NRG2: variants seen among roughly 807,000 people sequenced by gnomAD.
NRG2 encodes pro-neuregulin-2, membrane-bound isoform.
NRG2 carries 27 observed loss-of-function variants against 73.9 expected under a neutral mutation model. That is an observed-to-expected ratio of 0.37 (90% CI 0.27 to 0.50). The LOEUF is 0.50. NRG2 is among the 20% of genes least tolerant of loss of function. The pLI is 0.96. For missense variants in NRG2, 1,126 were observed against 1,210.1 expected (o/e 0.93, Z 1.03); for synonymous variants, 532 against 541.0 (o/e 0.98, Z 0.23).
chr5:139,969,304 C>A (rs1045134722), intron 1 of NRG2, among the ~76,000 whole-genome samples: 1 of 152,220 alleles, frequency 6.6e-6, no homozygotes, highest in Non-Finnish European at 1.5e-5. Flanking sequence ...TAATAGCTAT[C>A]TTGAAATATC....
At chr5:139,848,812 C>CAA in intron 9 of NRG2, 115 bp from the exon 10 acceptor site, 1 of 929,072 alleles carries the variant, frequency 1.1e-6, no homozygotes, top group Non-Finnish European at 1.5e-6. Context: ...TAACCTTGCC[C>CAA]GAGACCCCGC....
intron 1 of NRG2, among the ~76,000 whole-genome samples, chr5:139,949,124 T>C (rs555555587): frequency 6.6e-6 from 1 of 152,084 alleles, no homozygotes; most frequent in South Asian, 2.1e-4. Context: ...ATAAAAATAA[T>C]CTCCTGTTTC....
chr5:139,920,671 C>G (rs1751591011), intron 1 of NRG2, among the ~76,000 whole-genome samples: 1 of 152,140 alleles, frequency 6.6e-6, no homozygotes, highest in Admixed American at 6.5e-5. Context: ...CCATGCTTCT[C>G]TGAGACCTCA....
intron 1 of NRG2, among the ~76,000 whole-genome samples, chr5:140,021,518 G>T (rs1760223330): frequency 6.6e-6 from 1 of 152,234 alleles, no homozygotes; most frequent in African/African-American, 2.4e-5. Context: ...CACTGTCCAT[G>T]ACCTAAGAGA....
intron 1 of NRG2, among the ~76,000 whole-genome samples, chr5:140,001,846 G>A (rs892840659): frequency 1.3e-5 from 2 of 152,102 alleles, no homozygotes; most frequent in Admixed American, 6.6e-5. Context: ...CTTGGTGACA[G>A]AGTAAGACCC....
intron 1 of NRG2, among the ~76,000 whole-genome samples, chr5:139,912,862 G>C (rs1435266765): frequency 1.2e-4 from 19 of 152,268 alleles, no homozygotes; most frequent in Non-Finnish European, 4.4e-5. Flanking sequence ...GTGAACCAAG[G>C]GAAAACCGAA....
intron 9 of NRG2, 55 bp from the exon 10 acceptor site, chr5:139,848,752 G>T (rs1412945723): frequency 8.8e-6 from 7 of 798,346 alleles, no homozygotes; most frequent in African/African-American, 1.8e-5. Context: ...GCGCGGGGGA[G>T]GGGGGGTTGG....
intron 1 of NRG2, among the ~76,000 whole-genome samples, chr5:139,889,299 A>G (rs886444473): frequency 1.3e-5 from 2 of 152,178 alleles, no homozygotes; most frequent in Non-Finnish European, 2.9e-5. Flanking sequence ...GTATATATAT[A>G]TTTCAACAAT....
chr5:139,946,399 C>A (rs1753802750), intron 1 of NRG2, among the ~76,000 whole-genome samples: 1 of 152,048 alleles, frequency 6.6e-6, no homozygotes, highest in South Asian at 2.1e-4. Flanking sequence ...ACAAATTGTT[C>A]TGAGACAACT....
chr5:139,865,490 G>T lies in NRG2; in HGVS notation c.1189+59C>A. The T allele has an allele frequency of 1.5e-6, 2 of 1,326,206 alleles. No homozygotes were observed. Among genetic ancestry groups the T allele is most frequent in the Non-Finnish European group, 2.2e-6 (2 of 924,378 alleles). The allele number at this position is 1,326,206 out of a possible 1,614,324, so 82.2% of individuals were successfully genotyped here. ...CCTGGCCCTATGCCCTACATTGGGG[G>T]GACTGCACCCAGAAGCTTTCTAAGG... On this transcript the variant is annotated intron_variant, in intron 5 of 9. Transcript: ENST00000361474. This position sits in a 1 kb window ranked among gnomAD's most constrained non-coding sequence, Gnocchi z 5.2.
intron 1 of NRG2, among the ~76,000 whole-genome samples, chr5:139,931,377 A>T (rs1360534683): frequency 6.6e-6 from 1 of 152,230 alleles, no homozygotes; most frequent in Non-Finnish European, 1.5e-5. Context: ...AAGATCTCTG[A>T]GGGTCCCAAT....
intron 1 of NRG2, among the ~76,000 whole-genome samples, chr5:139,900,925 A>C (rs1315787858): frequency 6.6e-6 from 1 of 152,232 alleles, no homozygotes; most frequent in African/African-American, 2.4e-5. Flanking sequence ...GCTTCCAAAA[A>C]GCTGCTGCTT....
rs570083304 is a variant in NRG2, at chr5:139,851,175, T to C, written c.1772+429A>G. Among the ~76,000 whole-genome samples the C allele has an allele frequency of 1.1e-4, 17 of 151,980 alleles. No individual in the cohort carries two copies. The highest frequency in any genetic ancestry group is 2.1e-4 in the Non-Finnish European group (14 of 67,964). On this transcript the variant is annotated intron_variant, in intron 9 of 9. Coordinates refer to ENST00000361474, the MANE Select transcript of NRG2 (RefSeq NM_004883.3). The surrounding 1 kb of genome is among the most constrained non-coding windows in gnomAD (Gnocchi z 4.2). Reference sequence around the variant, plus strand: ...CTAATTTTTGTATTTTTAGTAAAGATGGGGGTTTCACCATGTTGGCCAGAC... The same window carrying C: ...CTAATTTTTGTATTTTTAGTAAAGACGGGGGTTTCACCATGTTGGCCAGAC...
chr5:139,901,554 C>A (rs772485999), intron 1 of NRG2, among the ~76,000 whole-genome samples: 6 of 152,194 alleles, frequency 3.9e-5, no homozygotes, highest in Non-Finnish European at 8.8e-5. Flanking sequence ...GAAGTCAGGG[C>A]AGCATCTTTA....
intron 1 of NRG2, among the ~76,000 whole-genome samples, chr5:140,036,523 C>T (rs1761519034): frequency 6.6e-6 from 1 of 152,188 alleles, no homozygotes; most frequent in Admixed American, 6.5e-5. Context: ...AGTCATTGTT[C>T]AAACTTGTCA....
chr5:139,972,788 A>G (rs574125717), intron 1 of NRG2, among the ~76,000 whole-genome samples: 12 of 152,344 alleles, frequency 7.9e-5, no homozygotes, highest in Admixed American at 7.2e-4. Context: ...TACAGCATTT[A>G]TCAAAATAAA....
At chr5:139,855,370 C>T (rs1581775174) in intron 6 of NRG2, among the ~76,000 whole-genome samples, 1 of 152,226 alleles carries the variant, frequency 6.6e-6, no homozygotes, top group South Asian at 2.1e-4. Context: ...CATCAATTTG[C>T]TCAAGGTTAC....
At chr5:139,872,753 A>G (rs1379526442) in intron 3 of NRG2, among the ~76,000 whole-genome samples, 1 of 152,214 alleles carries the variant, frequency 6.6e-6, no homozygotes, top group Non-Finnish European at 1.5e-5. Flanking sequence ...AGAAATGAAC[A>G]TCACTGAAGC....
chr5:140,039,654 T>G (rs1761768528), intron 1 of NRG2, among the ~76,000 whole-genome samples: 1 of 152,076 alleles, frequency 6.6e-6, no homozygotes, highest in Non-Finnish European at 1.5e-5. Flanking sequence ...CTGAGGCCAA[T>G]TTTTAAACAC....
Sources: allele counts gnomAD v4.1 joint callset (sites outside exome capture counted in the v4.1 genomes callset), GRCh38; gene constraint gnomAD v4.1.1; non-coding constraint Gnocchi (gnomAD v3.1); transcripts MANE v1.5; gene names NCBI Gene and HGNC (gene_info 2026-07-23, HGNC 2026-07-21).